The following TAF9 variants were observed in gnomAD, a reference collection of about 807,000 sequenced individuals.
The protein encoded by TAF9 is transcription initiation factor TFIID subunit 9.
In TAF9, 10 loss-of-function variants were observed where a neutral mutation model predicts 16.5. The ratio of observed to expected loss-of-function variants is 0.61; its 90% CI spans 0.37 to 1.03. The LOEUF (loss-of-function observed/expected upper bound fraction) is 1.03, where lower values mean the gene tolerates loss of function less well. TAF9 is among the 50% of genes least tolerant of loss of function. The pLI is 0.01. For synonymous variants in TAF9, 105 were observed against 120.5 expected (o/e 0.87, Z 0.84); for missense variants, 288 against 319.1 (o/e 0.90, Z 0.74).
chr5:69,367,242 G>C (rs1232832081), intron 1 of TAF9, among the ~76,000 whole-genome samples: 1 of 152,028 alleles, frequency 6.6e-6, no homozygotes, highest in Non-Finnish European at 1.5e-5. Context: ...GCTGGGCGCA[G>C]TGGCTCATGC....
chr5:69,366,910 C>A (rs541051286), intron 1 of TAF9: 9 of 266,138 alleles, frequency 3.4e-5, no homozygotes, highest in Admixed American at 1.9e-4. Context: ...AGGTGCCCAC[C>A]ACCATACCCA....
chr5:69,367,205 T>A (rs1464267842), intron 1 of TAF9, among the ~76,000 whole-genome samples: 1 of 152,030 alleles, frequency 6.6e-6, no homozygotes, highest in Admixed American at 6.5e-5. Flanking sequence ...ACCGGGGAAC[T>A]GCTGAGAATA....
chr5:69,366,489 A>G lies in TAF9; in HGVS notation c.-18+14T>C, dbSNP rs748515237. The G allele has an allele frequency of 6.2e-7, 1 of 1,605,704 alleles. No individual in the cohort carries two copies. The highest frequency in any genetic ancestry group is 8.5e-7 in the Non-Finnish European group (1 of 1,173,398). On this transcript the variant is annotated intron_variant, in intron 2 of 2. Transcript: ENST00000217893. Reference sequence around the variant, plus strand: ...AAAAAAACAAAACAAATCTAACACCAAAGTGTCCCTTACCTTCTCGAGCTA... The same window carrying G: ...AAAAAAACAAAACAAATCTAACACCGAAGTGTCCCTTACCTTCTCGAGCTA...
chr5:69,366,552 C>T lies in TAF9; in HGVS notation c.-67G>A, dbSNP rs77238909. 1.1e-3 allele frequency: 1,835 copies of T among 1,613,962 alleles called. 3 individuals carry two copies. The highest frequency in any genetic ancestry group is 1.5e-3 in the Non-Finnish European group (1,741 of 1,179,988). On this transcript the variant is annotated 5_prime_UTR_variant, in exon 2 of 3. Transcript: ENST00000217893. ...TAATGTATTTCAGTCCTGATTTTGA[C>T]GCAAGTTCTTTGCCTAGTGTGGTTT... is the stretch of plus-strand genomic sequence containing the variant.
rs1762433715 is a variant in TAF9 at position 69,366,544 on chromosome 5, G to C, written c.-59C>G. ...ACCCACATTAATGTATTTCAGTCCT[G>C]ATTTTGACGCAAGTTCTTTGCCTAG... On this transcript the variant is annotated 5_prime_UTR_variant, in exon 2 of 3. In the 5' UTR this introduces an upstream ATG that the reference lacks. Coordinates refer to ENST00000217893, the MANE Select transcript of TAF9 (RefSeq NM_003187.5). The C allele has an allele frequency of 1.2e-6, 2 of 1,613,804 alleles. No homozygotes were observed. Among genetic ancestry groups the C allele is most frequent in the African/African-American group, 2.7e-5 (2 of 74,854 alleles).
chr5:69,366,447 A>C, intron 2 of TAF9, 56 bp downstream of exon 2: 1 of 1,413,452 alleles, frequency 7.1e-7, no homozygotes, highest in Non-Finnish European at 9.9e-7. Flanking sequence ...CTAACACTCC[A>C]CTTACCAGAC....
rs756551615 is a variant in TAF9, at chr5:69,369,495, C to G, written c.-143G>C. ...CAGGATGTTCGGAAGCAACATGGTC[C>G]CCGCCGCGACGGCTTCGGGCGCCTC... is the stretch of plus-strand genomic sequence containing the variant. On this transcript the variant is annotated 5_prime_UTR_variant, in exon 1 of 3. Coordinates refer to ENST00000217893, the MANE Select transcript of TAF9 (RefSeq NM_003187.5). 1.2e-6 allele frequency: 2 copies of G among 1,611,584 alleles called. No homozygotes were observed. Among genetic ancestry groups the G allele is most frequent in the South Asian group, 1.1e-5 (1 of 90,922 alleles).
At chr5:69,369,043 G>C (rs1459788816) in intron 1 of TAF9, 3 of 229,164 alleles carry the variant, frequency 1.3e-5, no homozygotes, top group Non-Finnish European at 2.5e-5. Context: ...GGAGGCCTAA[G>C]GAGTGAGGCA....
At chr5:69,366,477 A>G in intron 2 of TAF9, 26 bp downstream of exon 2, 1 of 1,593,102 alleles carries the variant, frequency 6.3e-7, no homozygotes, top group Non-Finnish European at 8.6e-7. Context: ...AAAACAAAAC[A>G]AATCTAACAC....
At chr5:69,369,677 T>G, upstream of TAF9, 1 of 1,555,778 alleles carries the variant, frequency 6.4e-7, no homozygotes, top group Non-Finnish European at 8.7e-7. Context: ...ATGACACATT[T>G]CCGTCGCAAA....
In TAF9 at chr5:69,365,298, C is replaced by T. The variant is rs768534144; in HGVS notation, c.440G>A (p.Arg147Gln). 24 of 1,613,990 alleles carry T rather than the reference C, an allele frequency of 1.5e-5. No homozygotes were observed. Among genetic ancestry groups the T allele is most frequent in the Non-Finnish European group, 1.9e-5 (23 of 1,180,022 alleles). The change falls in exon 3 of 3, where the codon CGG becomes CAG. Residue 147 changes from arginine (R) to glutamine (Q), a missense_variant. Coordinates refer to ENST00000217893, the MANE Select transcript of TAF9 (RefSeq NM_003187.5). The stretch of plus-strand genomic sequence containing the variant: ...GCTAGTAACTGAACCAACACTTAAC[C>T]GCGGGACTGTTATTCTTCCCGCAGA... The part of the protein sequence containing the change: ...STSAGRITVP[R>Q]LSVGSVTSRP...
upstream of TAF9, chr5:69,369,626 C>T (rs940166407): frequency 7.0e-6 from 11 of 1,570,408 alleles, no homozygotes; most frequent in African/African-American, 1.2e-4. Context: ...CCTAGCCTGC[C>T]CCGGCGGCCC....
At chr5:69,369,522 C>T, upstream of TAF9, 1 of 1,611,206 alleles carries the variant, frequency 6.2e-7, no homozygotes, top group Non-Finnish European at 8.5e-7. Context: ...GGGCGCCTCG[C>T]TCACGTGCCC....
intron 1 of TAF9, chr5:69,369,100 T>G: frequency 2.7e-6 from 1 of 377,042 alleles, no homozygotes; most frequent in Non-Finnish European, 4.7e-6. Flanking sequence ...CCTTACGTTA[T>G]TTCGCTAAAA....
chr5:69,369,808 C>T (rs1580338094), upstream of TAF9: 1 of 1,188,788 alleles, frequency 8.4e-7, no homozygotes, highest in Non-Finnish European at 1.2e-6. Context: ...TGGAAGGTCC[C>T]CGGGAGGCCG....
chr5:69,368,488 C>G (rs1050059011), intron 1 of TAF9, among the ~76,000 whole-genome samples: 2 of 152,136 alleles, frequency 1.3e-5, no homozygotes, highest in South Asian at 2.1e-4. Context: ...ACTTAATAAC[C>G]AGGGCACTAT....
intron 2 of TAF9, 112 bp from the exon 3 acceptor site, chr5:69,365,866 A>T (rs903558291): frequency 2.2e-5 from 16 of 730,914 alleles, no homozygotes; most frequent in African/African-American, 1.1e-4. Flanking sequence ...CTGTAAAAAA[A>T]TTTTTAAAAT....
rs1022385507 is a variant in TAF9, at chr5:69,369,307, C to G, written c.-111+156G>C. 1.8e-5 allele frequency: 13 copies of G among 717,870 alleles called. No homozygotes were observed. In the South Asian group the frequency reaches 3.3e-4, roughly 18 times the overall value. 44.5% of individuals were successfully genotyped at this position (717,870 alleles called of 1,614,324 possible). ...CCTCCCTCGCCTCCCGCAACGCCCG[C>G]GAGGGTCGGCTCCCGGGGCGCTGAC... On this transcript the variant is annotated intron_variant, in intron 1 of 2. Coordinates refer to ENST00000217893, the MANE Select transcript of TAF9 (RefSeq NM_003187.5).
intron 1 of TAF9, chr5:69,368,704 C>T (rs1264503233): frequency 6.6e-6 from 1 of 152,164 alleles, no homozygotes; most frequent in Non-Finnish European, 1.5e-5. Context: ...AATCTACATG[C>T]ATTAGATTTT....
Sources: allele counts gnomAD v4.1 joint callset (sites outside exome capture counted in the v4.1 genomes callset), GRCh38; gene constraint gnomAD v4.1.1; transcripts MANE v1.5; gene names NCBI Gene and HGNC (gene_info 2026-07-23, HGNC 2026-07-21).